Variants in ZBTB26 observed in about 807,000 individuals in gnomAD.
ZBTB26 encodes the protein zinc finger and BTB domain-containing protein 26.
In ZBTB26, 12 loss-of-function variants were observed where a neutral mutation model predicts 31.6. The observed-to-expected ratio is 0.38, with a 90% confidence interval of 0.24 to 0.61. The LOEUF is 0.61. Ranked by LOEUF, ZBTB26 falls within the 20% of genes least tolerant of loss-of-function variation. The pLI is 0.60. For synonymous variants in ZBTB26, 155 were observed against 182.9 expected, an observed-to-expected ratio of 0.85 and a Z score of 1.23; for missense variants, 311 against 521.9, an observed-to-expected ratio of 0.60 and a Z score of 3.94.
chr9:122,915,605 TAAGTGAAG>T lies in ZBTB26; in HGVS notation c.*2996_*3003del, dbSNP rs1833008884. The T allele has an allele frequency of 6.6e-6, 1 of 152,216 alleles. No homozygotes were observed. The highest frequency in any genetic ancestry group is 1.5e-5 in the Non-Finnish European group (1 of 68,038). The allele number at this position is 152,216 out of a possible 1,614,324, so 9.4% of individuals were successfully genotyped here. A position where few individuals can be genotyped will look rare whatever the true frequency, so the allele number is the denominator to read the frequency against. On this transcript the variant is annotated 3_prime_UTR_variant, in exon 2 of 2. Coordinates refer to ENST00000373656, the MANE Select transcript of ZBTB26 (RefSeq NM_020924.4). The stretch of plus-strand genomic sequence containing the variant: ...TTTTATTAAGGAAACTTCCCCATAA[TAAGTGAAG>T]AGGTAGTTCATAGTATGTCTAACAT...
intron 1 of ZBTB26, among the ~76,000 whole-genome samples, chr9:122,930,618 T>C (rs1347180452): frequency 2.6e-5 from 4 of 152,160 alleles, no homozygotes; most frequent in African/African-American, 9.7e-5. Flanking sequence ...ACTACCCATC[T>C]CCTTTAGGAT....
rs1049791371 is a variant in ZBTB26 at position 122,915,758 on chromosome 9, CTT to C, written c.*2849_*2850del. 6 of 152,164 alleles carry C rather than the reference CTT, an allele frequency of 3.9e-5. No homozygotes were observed. Among genetic ancestry groups the C allele is most frequent in the Admixed American group, 6.5e-5 (1 of 15,276 alleles). The allele number at this position is 152,164 out of a possible 1,614,324, so 9.4% of individuals were successfully genotyped here. A position where few individuals can be genotyped will look rare whatever the true frequency, so the allele number is the denominator to read the frequency against. On this transcript the variant is annotated 3_prime_UTR_variant, in exon 2 of 2. Coordinates refer to ENST00000373656, the MANE Select transcript of ZBTB26 (RefSeq NM_020924.4). ...ATTTATAGATCTGCTAATAAAGAAA[CTT>C]AAATTAAAATCATATCTGATTTACC...
chr9:122,926,320 G>A (rs1436230439), intron 1 of ZBTB26, among the ~76,000 whole-genome samples: 21 of 151,866 alleles, frequency 1.4e-4, no homozygotes, highest in Non-Finnish European at 1.5e-5. Context: ...CGAGACCACG[G>A]TGAAACCCCG....
In ZBTB26 at chr9:122,919,062, A is replaced by G. The variant is rs776806592; in HGVS notation, c.873T>C (p.His291=). Residue 291 remains histidine, a synonymous_variant, in exon 2 of 2, where the codon CAT becomes CAC. Coordinates refer to ENST00000373656, the MANE Select transcript of ZBTB26 (RefSeq NM_020924.4). This position sits in a 1 kb window ranked among gnomAD's most constrained non-coding sequence, Gnocchi z 6.1. The part of the protein sequence containing the change: ...VFRHLENYAN[H]LKMHKLFMCL... ...ACATAAAGAGTTTGTGCATTTTTAAATGGTTGGCGTAGTTCTCCAGGTGAC... is the reference window on the plus strand; with the variant it reads ...ACATAAAGAGTTTGTGCATTTTTAAGTGGTTGGCGTAGTTCTCCAGGTGAC... The G allele has an allele frequency of 1.2e-6, 2 of 1,614,170 alleles. No individual in the cohort carries two copies. The highest frequency in any genetic ancestry group is 1.1e-5 in the South Asian group (1 of 91,078).
chr9:122,928,310 T>C (rs1021267238), intron 1 of ZBTB26, among the ~76,000 whole-genome samples: 10 of 152,072 alleles, frequency 6.6e-5, no homozygotes, highest in African/African-American at 2.4e-4. Context: ...TGATTTTTTT[T>C]CATTTTTTGA....
At chr9:122,923,231 G>A (rs1272982366) in intron 1 of ZBTB26, among the ~76,000 whole-genome samples, 1 of 150,990 alleles carries the variant, frequency 6.6e-6, no homozygotes, top group African/African-American at 2.4e-5. Context: ...AAATTTAGGA[G>A]GGGGAACTGG....
In ZBTB26 at chr9:122,924,054, T is replaced by C. The variant is rs561897673; in HGVS notation, c.-10-4110A>G. Among the ~76,000 whole-genome samples the C allele has an allele frequency of 3.3e-5, 5 of 152,320 alleles. No homozygotes were observed. The South Asian group carries it at 1.0e-3, about 32-fold the overall frequency. ...CTATACCATCTAGGTTTGCATTAAG[T>C]ATACTCCGTGATATTCACAAAATGA... On this transcript the variant is annotated intron_variant, in intron 1 of 1. Coordinates refer to ENST00000373656, the MANE Select transcript of ZBTB26 (RefSeq NM_020924.4).
intron 1 of ZBTB26, among the ~76,000 whole-genome samples, chr9:122,924,136 G>T (rs74832944): frequency 0.017 from 2,614 of 152,308 alleles, 82 homozygotes; most frequent in African/African-American, 0.06. Flanking sequence ...AGTGATGCAT[G>T]ACTGTGCTTC....
At chr9:122,924,071 A>G (rs752341819) in intron 1 of ZBTB26, among the ~76,000 whole-genome samples, 12 of 152,224 alleles carry the variant, frequency 7.9e-5, no homozygotes, top group African/African-American at 1.9e-4. Flanking sequence ...CGTGATATTC[A>G]CAAAATGATG....
At chr9:122,927,994 C>A (rs1833209245) in intron 1 of ZBTB26, among the ~76,000 whole-genome samples, 1 of 151,994 alleles carries the variant, frequency 6.6e-6, no homozygotes. Context: ...ACCACCAAGC[C>A]CGGATAATTT....
intron 1 of ZBTB26, among the ~76,000 whole-genome samples, chr9:122,923,976 G>T (rs572009194): frequency 6.6e-6 from 1 of 152,160 alleles, no homozygotes; most frequent in Non-Finnish European, 1.5e-5. Flanking sequence ...TGTGGTACAG[G>T]TTTATAACCA....
At position 122,918,305 on chromosome 9, in the gene ZBTB26, T is replaced by C. The variant is rs771791361; in HGVS notation, c.*304A>G. Reference sequence around the variant, plus strand: ...GTTGGTACCTTCGGAATGTGCCTAGTGAAAAGCCTAAAACAGTGTCAGTCT... The same window carrying C: ...GTTGGTACCTTCGGAATGTGCCTAGCGAAAAGCCTAAAACAGTGTCAGTCT... On this transcript the variant is annotated 3_prime_UTR_variant, in exon 2 of 2. Coordinates refer to ENST00000373656, the MANE Select transcript of ZBTB26 (RefSeq NM_020924.4). 4.0e-5 allele frequency: 12 copies of C among 297,898 alleles called. No homozygotes were observed. The highest frequency in any genetic ancestry group is 6.9e-5 in the Non-Finnish European group (11 of 160,444). 18.5% of individuals were successfully genotyped at this position (297,898 alleles called of 1,614,324 possible). A position where few individuals can be genotyped will look rare whatever the true frequency, so the allele number is the denominator to read the frequency against.
chr9:122,921,765 C>G lies in ZBTB26; in HGVS notation c.-10-1821G>C, dbSNP rs562602181. Among the ~76,000 whole-genome samples the G allele has an allele frequency of 2.0e-5, 3 of 152,214 alleles. No homozygotes were observed. The East Asian group carries it at 5.8e-4, about 29-fold the overall frequency. ...TGACCAACTTGGAGAAACCCCATCT[C>G]TACTAAAAATACAAAATTAGCTGGG... On this transcript the variant is annotated intron_variant, in intron 1 of 1. Transcript: ENST00000373656.
Position 122,919,920 on chromosome 9 carries a change from T to G in ZBTB26, c.15A>C (p.Ser5=). The G allele has an allele frequency of 6.3e-7, 1 of 1,584,424 alleles. No individual in the cohort carries two copies. The highest frequency in any genetic ancestry group is 8.6e-7 in the Non-Finnish European group (1 of 1,167,304). Residue 5 remains serine, a synonymous_variant, in exon 2 of 2, where the codon TCA becomes TCC. Coordinates refer to ENST00000373656, the MANE Select transcript of ZBTB26 (RefSeq NM_020924.4). The surrounding 1 kb of genome is among the most constrained non-coding windows in gnomAD (Gnocchi z 6.1). ...TTTCAAACTTGAAGTGAAGGAGATC[T>G]GATCTTTCAGACATTTTGGCAGACC... MSER[S]DLLHFKFENY... is the part of the protein sequence containing the mutation.
Position 122,918,525 on chromosome 9 carries a change from T to A in ZBTB26, c.*84A>T. 1 of 1,529,364 alleles carries A rather than the reference T, an allele frequency of 6.5e-7. No individual in the cohort carries two copies. The highest frequency in any genetic ancestry group is 8.7e-7 in the Non-Finnish European group (1 of 1,145,526). 94.7% of individuals were successfully genotyped at this position (1,529,364 alleles called of 1,614,324 possible). A position where few individuals can be genotyped will look rare whatever the true frequency, so the allele number is the denominator to read the frequency against. On this transcript the variant is annotated 3_prime_UTR_variant, in exon 2 of 2. Transcript: ENST00000373656. The stretch of plus-strand genomic sequence containing the variant: ...CACCTACACAGAGGCTTTGGAGAAG[T>A]CAAACTAGCAAAATCACTCCTAAAA...
rs1329638885 is a variant in ZBTB26, at chr9:122,917,501, T to C, written c.*1108A>G. On this transcript the variant is annotated 3_prime_UTR_variant, in exon 2 of 2. Coordinates refer to ENST00000373656, the MANE Select transcript of ZBTB26 (RefSeq NM_020924.4). ...TGTTTTGTTTTTCCTTTTTGAAAAT[T>C]AACTTTGTATTTGCAATCAAAGGCA... 6.6e-6 allele frequency: 1 copy of C among 152,200 alleles called. No individual in the cohort carries two copies. The highest frequency in any genetic ancestry group is 2.4e-5 in the African/African-American group (1 of 41,454). 9.4% of individuals were successfully genotyped at this position (152,200 alleles called of 1,614,324 possible). A position where few individuals can be genotyped will look rare whatever the true frequency, so the allele number is the denominator to read the frequency against.
chr9:122,925,238 T>C (rs1833158871), intron 1 of ZBTB26, among the ~76,000 whole-genome samples: 1 of 152,000 alleles, frequency 6.6e-6, no homozygotes. Context: ...CTGGGCGTGG[T>C]GTCATGCGCC....
Position 122,919,071 on chromosome 9 carries a change from G to A in ZBTB26, c.864C>T (p.Tyr288=), listed in dbSNP as rs146819828. The change falls in exon 2 of 2, where the codon TAC becomes TAT. Residue 288 remains tyrosine, a synonymous_variant. Transcript: ENST00000373656. This position sits in a 1 kb window ranked among gnomAD's most constrained non-coding sequence, Gnocchi z 6.1. Reference sequence around the variant, plus strand: ...GTTTGTGCATTTTTAAATGGTTGGCGTAGTTCTCCAGGTGACGAAACACCC... The same window carrying A: ...GTTTGTGCATTTTTAAATGGTTGGCATAGTTCTCCAGGTGACGAAACACCC... ...CTRVFRHLEN[Y]ANHLKMHKLF... 26 of 1,614,204 alleles carry A rather than the reference G, an allele frequency of 1.6e-5. No homozygotes were observed. In the East Asian group the frequency reaches 1.8e-4, roughly 11 times the overall value.
At chr9:122,928,236 ACT>A (rs1447967540) in intron 1 of ZBTB26, among the ~76,000 whole-genome samples, 2 of 152,170 alleles carry the variant, frequency 1.3e-5, no homozygotes, top group African/African-American at 4.8e-5. Flanking sequence ...TTTGCAACTT[ACT>A]TTTTTCACTC....
Sources: gnomAD v4.1 joint callset for allele counts (sites outside exome capture counted in the v4.1 genomes callset) on GRCh38, gnomAD v4.1.1 for gene constraint, Gnocchi (gnomAD v3.1) non-coding constraint, MANE v1.5 for transcripts, NCBI Gene and HGNC (gene_info 2026-07-23, HGNC 2026-07-21) for gene names.